SLX4IP: variants seen among roughly 807,000 people sequenced by gnomAD.
SLX4IP encodes the protein protein SLX4IP.
SLX4IP carries 34 observed loss-of-function variants against 32.9 expected under a neutral mutation model. That is an observed-to-expected ratio of 1.03 (90% confidence interval 0.79 to 1.38). The LOEUF (loss-of-function observed/expected upper bound fraction) is 1.38, where lower values mean the gene tolerates loss of function less well. Among genes scored for constraint, SLX4IP ranks in the 40% most tolerant of loss-of-function variants. The pLI is 0.00. For missense variants in SLX4IP, 444 were observed against 479.0 expected, an observed-to-expected ratio of 0.93 and a Z score of 0.68; for synonymous variants, 172 against 171.7, an observed-to-expected ratio of 1.00 and a Z score of -0.01.
intron 2 of SLX4IP, among the ~76,000 whole-genome samples, chr20:10,494,547 G>GCCTTTCATTTT: frequency 1.3e-5 from 2 of 151,952 alleles, no homozygotes; most frequent in Non-Finnish European, 2.9e-5. Context: ...ATAAAACTCT[G>GCCTTTCATTTT]TATTTAACAT....
At chr20:10,488,056 C>T (rs1029058360) in intron 2 of SLX4IP, among the ~76,000 whole-genome samples, 2 of 113,928 alleles carry the variant, frequency 1.8e-5, no homozygotes, top group African/African-American at 6.7e-5. Context: ...CACTGTCATG[C>T]ATTGGGAGAC....
In SLX4IP at chr20:10,488,685, T is replaced by TA. The variant is rs1414533152; in HGVS notation, c.27+30456dup. Among the ~76,000 whole-genome samples, 7 of 152,320 alleles carry TA rather than the reference T, an allele frequency of 4.6e-5. No homozygotes were observed. The East Asian group carries it at 1.3e-3, about 29-fold the overall frequency. On this transcript the variant is annotated intron_variant, in intron 2 of 7. Transcript: ENST00000334534. Reference sequence around the variant, plus strand: ...CCTTCCTGCTCTGACATCTGATGATTAACACTTCAAAGAGTGCATTTCATT... The same window carrying TA: ...CCTTCCTGCTCTGACATCTGATGATTAAACACTTCAAAGAGTGCATTTCATT...
In SLX4IP at chr20:10,619,217, CTTTTTTT is replaced by C. The variant is rs59741153; in HGVS notation, c.406-2087_406-2081del. Among the ~76,000 whole-genome samples, 7 of 126,672 alleles carry C rather than the reference CTTTTTTT, an allele frequency of 5.5e-5. No homozygotes were observed. In the South Asian group the frequency reaches 7.9e-4, roughly 14 times the overall value. The allele number at this position is 126,672 out of a possible 152,430, so 83.1% of individuals were successfully genotyped here. A position where few individuals can be genotyped will look rare whatever the true frequency, so the allele number is the denominator to read the frequency against. The stretch of plus-strand genomic sequence containing the variant: ...TTTTCTTTTTCTTTTCTTTTTTTTT[CTTTTTTT>C]TTTTTTTTTGAAAACTAAGTCACAG... On this transcript the variant is annotated intron_variant, in intron 6 of 7. Transcript: ENST00000334534.
intron 2 of SLX4IP, among the ~76,000 whole-genome samples, chr20:10,539,768 G>A (rs139460375): frequency 3.6e-4 from 55 of 152,234 alleles, no homozygotes; most frequent in Non-Finnish European, 7.4e-4. Flanking sequence ...CATTAGAATC[G>A]GGTAGGGAGC....
intron 4 of SLX4IP, among the ~76,000 whole-genome samples, chr20:10,596,452 C>G (rs2066772538): frequency 6.6e-6 from 1 of 151,976 alleles, no homozygotes; most frequent in South Asian, 2.1e-4. Flanking sequence ...TGGTCTCGAG[C>G]TCCTGGCCTC....
chr20:10,566,966 C>T (rs2066402084), intron 4 of SLX4IP, among the ~76,000 whole-genome samples: 1 of 152,162 alleles, frequency 6.6e-6, no homozygotes, highest in African/African-American at 2.4e-5. Context: ...GGTCAAATGT[C>T]ATCTACCCAC....
chr20:10,576,343 G>T (rs1247686222), intron 4 of SLX4IP, among the ~76,000 whole-genome samples: 1 of 152,174 alleles, frequency 6.6e-6, no homozygotes. Context: ...GAATCCCTGG[G>T]CTGTTCCCAG....
chr20:10,624,027 C>T lies in SLX4IP; in HGVS notation c.*648C>T, dbSNP rs1377197607. 6.6e-6 allele frequency: 1 copy of T among 152,534 alleles called. No individual in the cohort carries two copies. The highest frequency in any genetic ancestry group is 1.5e-5 in the Non-Finnish European group (1 of 68,316). 9.4% of individuals were successfully genotyped at this position (152,534 alleles called of 1,614,324 possible). A position where few individuals can be genotyped will look rare whatever the true frequency, so the allele number is the denominator to read the frequency against. On this transcript the variant is annotated 3_prime_UTR_variant, in exon 8 of 8. Transcript: ENST00000334534. ...GCAGCCTGGTTGCCATGGCCTCCAG[C>T]TCACCAGTTGGGGCCAGATGTGCAC...
chr20:10,620,462 C>G (rs1213774923), intron 6 of SLX4IP, among the ~76,000 whole-genome samples: 1 of 152,034 alleles, frequency 6.6e-6, no homozygotes, highest in Non-Finnish European at 1.5e-5. Context: ...AAAAAAGTCC[C>G]GAATTTTTTG....
rs528072961 is a variant in SLX4IP at position 10,577,503 on chromosome 20, A to T, written c.238+16683A>T. On this transcript the variant is annotated intron_variant, in intron 4 of 7. Transcript: ENST00000334534. ...GACCAAGGCAGAAGGATTGCTTGAG[A>T]CCAGAAGTTCAAGATCTACCTGGGC... 3.3e-5 allele frequency among the ~76,000 whole-genome samples: 5 copies of T among 152,302 alleles called. No individual in the cohort carries two copies. The South Asian group carries it at 1.0e-3, about 32-fold the overall frequency.
At chr20:10,535,383 G>A (rs112253955) in intron 2 of SLX4IP, among the ~76,000 whole-genome samples, 1 of 152,218 alleles carries the variant, frequency 6.6e-6, no homozygotes, top group East Asian at 1.9e-4. Context: ...GTGTAGTGGT[G>A]TGATTTTGGC....
chr20:10,517,104 C>T (rs558121721), intron 2 of SLX4IP, among the ~76,000 whole-genome samples: 1 of 152,336 alleles, frequency 6.6e-6, no homozygotes, highest in East Asian at 1.9e-4. Context: ...TATAAGAAAG[C>T]ATTCCTAAGA....
chr20:10,597,485 A>G (rs1449463608), intron 4 of SLX4IP, among the ~76,000 whole-genome samples: 1 of 152,240 alleles, frequency 6.6e-6, no homozygotes, highest in Non-Finnish European at 1.5e-5. Context: ...TTGCCACCCT[A>G]TGAGACGAAT....
intron 2 of SLX4IP, among the ~76,000 whole-genome samples, chr20:10,488,374 TAGG>T (rs1413932755): frequency 6.6e-6 from 1 of 152,074 alleles, no homozygotes; most frequent in Non-Finnish European, 1.5e-5. Flanking sequence ...TACCAGGAGC[TAGG>T]AGAAGAGGCA....
chr20:10,487,953 G>C (rs1057100831), intron 2 of SLX4IP, among the ~76,000 whole-genome samples: 1 of 152,110 alleles, frequency 6.6e-6, no homozygotes, highest in Non-Finnish European at 1.5e-5. Flanking sequence ...TCCTTTGTGA[G>C]ATATCAGTTT....
intron 6 of SLX4IP, among the ~76,000 whole-genome samples, chr20:10,610,382 T>G (rs1331830138): frequency 3.3e-5 from 5 of 152,224 alleles, no homozygotes; most frequent in African/African-American, 4.8e-5. Context: ...GACAGCATTA[T>G]CAGCAGCCCT....
intron 2 of SLX4IP, among the ~76,000 whole-genome samples, chr20:10,499,654 C>T (rs1435050886): frequency 6.6e-6 from 1 of 152,116 alleles, no homozygotes; most frequent in Non-Finnish European, 1.5e-5. Flanking sequence ...CGTGAAAATG[C>T]TGAAAGGTAT....
chr20:10,480,229 C>CA (rs940678996), intron 2 of SLX4IP, among the ~76,000 whole-genome samples: 15 of 152,016 alleles, frequency 9.9e-5, no homozygotes, highest in Admixed American at 3.3e-4. Flanking sequence ...CCTGTCTCTA[C>CA]AAAAAAATAC....
chr20:10,456,119 G>A lies in SLX4IP; in HGVS notation c.-29-2057G>A, dbSNP rs528559304. On this transcript the variant is annotated intron_variant, in intron 1 of 7. Transcript: ENST00000334534. ...AATCATAAAAATATGTAAAATTCAG[G>A]CTATCTGTATAAGGTATATATGAAA... Among the ~76,000 whole-genome samples the A allele has an allele frequency of 5.3e-5, 8 of 152,180 alleles. No individual in the cohort carries two copies. In the South Asian group the frequency reaches 1.7e-3, roughly 32 times the overall value.
Sources: gnomAD v4.1 joint callset for allele counts (sites outside exome capture counted in the v4.1 genomes callset) on GRCh38, gnomAD v4.1.1 for gene constraint, MANE v1.5 for transcripts, NCBI Gene and HGNC (gene_info 2026-07-23, HGNC 2026-07-21) for gene names.